Variants in USP32 observed in about 807,000 individuals in gnomAD.
The protein encoded by USP32 is ubiquitin specific peptidase 32.
Under a neutral mutation model 204.8 loss-of-function variants are expected in USP32, and 59 were observed. That is an observed-to-expected ratio of 0.29 (90% CI 0.23 to 0.36). USP32 has a LOEUF of 0.36. USP32 is among the 10% of genes least tolerant of loss of function. The pLI is 1.00. For synonymous variants in USP32, 517 were observed against 678.4 expected (o/e 0.76, Z 3.70); for missense variants, 1,160 against 1,946.4 (o/e 0.60, Z 7.60).
At chr17:60,325,448 A>G (rs1306079491) in intron 2 of USP32, among the ~76,000 whole-genome samples, 1 of 152,054 alleles carries the variant, frequency 6.6e-6, no homozygotes, top group Non-Finnish European at 1.5e-5. Flanking sequence ...AAAGAAAGAA[A>G]ACTATATCAT....
chr17:60,388,678 A>G (rs1412557638), intron 1 of USP32, among the ~76,000 whole-genome samples: 1 of 152,210 alleles, frequency 6.6e-6, no homozygotes, highest in Non-Finnish European at 1.5e-5. Context: ...AAAATATTTA[A>G]GAAAGATAGA....
chr17:60,183,170 G>C lies in USP32; in HGVS notation c.4118C>G (p.Pro1373Arg), dbSNP rs546007188. 9 of 1,607,814 alleles carry C rather than the reference G, an allele frequency of 5.6e-6. No homozygotes were observed. The highest frequency in any genetic ancestry group is 2.6e-6 in the Non-Finnish European group (3 of 1,176,440). ...ATAAGGCCCCCAGGCCTCACCTTTC[G>C]GGCTGCTGATGATGTTAGCGCTGAG... ...SSLSANIISSPKGSPSSSRKS... is the reference protein window; with the variant it reads ...SSLSANIISSRKGSPSSSRKS... The change falls in exon 31 of 34, where the codon CCG becomes CGG. Residue 1373 changes from proline to arginine, a missense_variant. This residue lies in a region of USP32 where 244 missense variants were observed against 342.3 expected (regional missense o/e 0.71). Transcript: ENST00000300896.
intron 4 of USP32, among the ~76,000 whole-genome samples, chr17:60,293,060 A>AT (rs2087326027): frequency 6.6e-6 from 1 of 152,194 alleles, no homozygotes; most frequent in Non-Finnish European, 1.5e-5. Context: ...CTTGCTATAA[A>AT]TTATTTACTC....
At chr17:60,422,109 C>A in intron 1 of USP32, 1 of 297,522 alleles carries the variant, frequency 3.4e-6, no homozygotes, top group Non-Finnish European at 5.5e-6. Context: ...TTCTCCCTTT[C>A]AGCTCTCCCT....
upstream of USP32, chr17:60,392,502 C>G: frequency 3.5e-6 from 1 of 286,266 alleles, no homozygotes; most frequent in Non-Finnish European, 7.2e-6. Context: ...CCCGCGCCCA[C>G]ATGTTCTGGC....
At chr17:60,269,406 C>G (rs1323417068) in intron 7 of USP32, 44 bp downstream of exon 7, 2 of 1,432,562 alleles carry the variant, frequency 1.4e-6, no homozygotes, top group Middle Eastern at 1.7e-4. Context: ...CTGATTTTCT[C>G]TCTACATAGT....
chr17:60,305,413 C>G (rs1460558643), intron 2 of USP32, among the ~76,000 whole-genome samples: 1 of 152,190 alleles, frequency 6.6e-6, no homozygotes, highest in Non-Finnish European at 1.5e-5. Context: ...GTGGGGAAAG[C>G]ACCCAGGCAC....
chr17:60,372,543 T>TA (rs78554998), intron 1 of USP32, among the ~76,000 whole-genome samples: 1,423 of 121,842 alleles, frequency 0.012, 12 homozygotes, highest in Middle Eastern at 0.033. Flanking sequence ...GCCTTAAAGA[T>TA]AAAAAAAAAA....
intron 2 of USP32, among the ~76,000 whole-genome samples, chr17:60,334,355 T>C (rs2088462659): frequency 6.6e-6 from 1 of 152,170 alleles, no homozygotes; most frequent in South Asian, 2.1e-4. Context: ...CCTGATAAAA[T>C]AAACTAGTAT....
chr17:60,365,718 T>C lies in USP32; in HGVS notation c.59-20110A>G, dbSNP rs576924398. ...GAAGTTGTCAGAAACAAAGTAATTA[T>C]TAAAAGAATGCATTAAGATAAACCA... On this transcript the variant is annotated intron_variant, in intron 1 of 33. Coordinates refer to ENST00000300896, the MANE Select transcript of USP32 (RefSeq NM_032582.4). Among the ~76,000 whole-genome samples, 5 of 152,234 alleles carry C rather than the reference T, an allele frequency of 3.3e-5. No individual in the cohort carries two copies. In the South Asian group the frequency reaches 1.0e-3, roughly 32 times the overall value.
intron 2 of USP32, among the ~76,000 whole-genome samples, chr17:60,309,301 A>T (rs1025287213): frequency 6.6e-6 from 1 of 152,112 alleles, no homozygotes; most frequent in African/African-American, 2.4e-5. Flanking sequence ...AAAAAAACAA[A>T]ACAAAAACAA....
At chr17:60,351,497 C>G (rs2088948114) in intron 1 of USP32, among the ~76,000 whole-genome samples, 1 of 151,726 alleles carries the variant, frequency 6.6e-6, no homozygotes, top group South Asian at 2.1e-4. Flanking sequence ...TGCATGATCT[C>G]AGCTCACTGC....
intron 1 of USP32, among the ~76,000 whole-genome samples, chr17:60,355,041 C>T (rs957939348): frequency 1.3e-5 from 2 of 152,006 alleles, no homozygotes; most frequent in African/African-American, 2.4e-5. Context: ...GAGGCTCTGC[C>T]TCAAAAACAA....
At position 60,208,848 on chromosome 17, in the gene USP32, G is replaced by A. The variant is rs1156486961; in HGVS notation, c.2599-20C>T. On this transcript the variant is annotated intron_variant, in intron 22 of 33. Coordinates refer to ENST00000300896, the MANE Select transcript of USP32 (RefSeq NM_032582.4). ...CCAGGCCTAGCAATAAAAAAGATGA[G>A]AATTTTCTCTCAAAATCCAAAAGAG... The A allele has an allele frequency of 6.5e-7, 1 of 1,530,808 alleles. No individual in the cohort carries two copies. The highest frequency in any genetic ancestry group is 1.4e-5 in the African/African-American group (1 of 70,898). The allele number at this position is 1,530,808 out of a possible 1,614,324, so 94.8% of individuals were successfully genotyped here. A position where few individuals can be genotyped will look rare whatever the true frequency, so the allele number is the denominator to read the frequency against.
At chr17:60,250,015 C>T (rs1476486063) in intron 11 of USP32, among the ~76,000 whole-genome samples, 1 of 151,484 alleles carries the variant, frequency 6.6e-6, no homozygotes, top group Non-Finnish European at 1.5e-5. Flanking sequence ...AATGAATAAA[C>T]AAATTTTAAA....
intron 2 of USP32, among the ~76,000 whole-genome samples, chr17:60,321,637 G>A (rs1342734918): frequency 1.3e-5 from 2 of 152,190 alleles, no homozygotes; most frequent in South Asian, 2.1e-4. Flanking sequence ...AAACATTCTT[G>A]AAATGAATGG....
chr17:60,211,018 G>T lies in USP32; in HGVS notation c.2419C>A (p.Leu807Ile), dbSNP rs1376317720. The T allele has an allele frequency of 6.2e-7, 1 of 1,605,110 alleles. No individual in the cohort carries two copies. ...GTQKNVAPLK[L>I]RWTIAKYAPR... ...TATTATTTTAACCTGCTTACCCGAA[G>T]CTTTAATGGGGCAACATTCTTCTGA... Residue 807 changes from leucine to isoleucine, a missense_variant, in exon 21 of 34, where the codon CTT becomes ATT. Leu to Ile is a conservative substitution (Grantham distance 5). Coordinates refer to ENST00000300896, the MANE Select transcript of USP32 (RefSeq NM_032582.4).
chr17:60,191,498 G>A (rs1186992321), intron 28 of USP32, among the ~76,000 whole-genome samples: 1 of 150,242 alleles, frequency 6.7e-6, no homozygotes, highest in Non-Finnish European at 1.5e-5. Context: ...TGGTTCCAAT[G>A]CCTACTTTAT....
chr17:60,308,972 C>G (rs751324478), intron 2 of USP32, among the ~76,000 whole-genome samples: 7 of 151,986 alleles, frequency 4.6e-5, no homozygotes, highest in Non-Finnish European at 1.0e-4. Flanking sequence ...TCAGCATACA[C>G]AAAAAATCAA....
Sources: gnomAD v4.1 joint callset for allele counts (sites outside exome capture counted in the v4.1 genomes callset) on GRCh38, gnomAD v4.1.1 for gene constraint, gnomAD v4.1.1 regional missense constraint, MANE v1.5 for transcripts, NCBI Gene and HGNC (gene_info 2026-07-23, HGNC 2026-07-21) for gene names.